CAPN5: variants seen among roughly 807,000 people sequenced by gnomAD.
The protein encoded by CAPN5 is calpain 5, also known as calpain-5.
In CAPN5, 54 loss-of-function variants were observed where a neutral mutation model predicts 73.0. The observed-to-expected ratio is 0.74, with a 90% confidence interval of 0.59 to 0.93. The LOEUF (loss-of-function observed/expected upper bound fraction) is 0.93. Ranked by LOEUF, CAPN5 falls within the 40% of genes least tolerant of loss-of-function variation. CAPN5 has a pLI of 0.00. For synonymous variants in CAPN5, 335 were observed against 356.9 expected, an observed-to-expected ratio of 0.94 and a Z score of 0.69; for missense variants, 785 against 882.9, an observed-to-expected ratio of 0.89 and a Z score of 1.41.
intron 4 of CAPN5, among the ~76,000 whole-genome samples, chr11:77,113,534 C>G (rs1478243035): frequency 6.6e-6 from 1 of 152,080 alleles, no homozygotes; most frequent in Non-Finnish European, 1.5e-5. Flanking sequence ...ATTTGTCAAT[C>G]TTGCTGAAAA....
At chr11:77,102,105 A>G (rs1374474373) in intron 3 of CAPN5, among the ~76,000 whole-genome samples, 7 of 152,172 alleles carry the variant, frequency 4.6e-5, no homozygotes, top group Admixed American at 3.3e-4. Flanking sequence ...ATAAACCAGG[A>G]GTTCTGGGAG....
At position 77,121,931 on chromosome 11, in the gene CAPN5, CAG is replaced by C; in HGVS notation, c.1488-2_1488-1del. On this transcript the variant is annotated splice_acceptor_variant, in intron 10 of 12. Transcript: ENST00000648180. LOFTEE classifies it high-confidence loss of function. Reference sequence around the variant, plus strand: ...TCCCCTCTCCCCTGCCGCCCCATATCAGGGAGCTGCGCCTGGATGAGCCCCCA... The same window carrying C: ...TCCCCTCTCCCCTGCCGCCCCATATCGGAGCTGCGCCTGGATGAGCCCCCA... 1 of 1,530,362 alleles carries C rather than the reference CAG, an allele frequency of 6.5e-7. No homozygotes were observed. The highest frequency in any genetic ancestry group is 1.2e-5 in the South Asian group (1 of 81,382). 94.8% of individuals were successfully genotyped at this position (1,530,362 alleles called of 1,614,324 possible).
chr11:77,120,861 C>T lies in CAPN5; in HGVS notation c.1439C>T (p.Thr480Ile), dbSNP rs782400212. 2.5e-6 allele frequency: 4 copies of T among 1,614,056 alleles called. No homozygotes were observed. Among genetic ancestry groups the T allele is most frequent in the South Asian group, 2.2e-5 (2 of 91,082 alleles). Reference sequence around the variant, plus strand: ...CCCACAACCTTCGAGCCAGGCCACACTGGCGAGTTCCTGCTCCGAGTCTTC... The same window carrying T: ...CCCACAACCTTCGAGCCAGGCCACATTGGCGAGTTCCTGCTCCGAGTCTTC... ...IIPTTFEPGH[T>I]GEFLLRVFTD... Residue 480 changes from threonine (T) to isoleucine (I), a missense_variant, in exon 10 of 13, where the codon ACT becomes ATT. Thr to Ile is a moderately conservative substitution (Grantham distance 89). Transcript: ENST00000648180.
chr11:77,104,691 G>A (rs1450080209), intron 3 of CAPN5, among the ~76,000 whole-genome samples: 1 of 152,208 alleles, frequency 6.6e-6, no homozygotes, highest in African/African-American at 2.4e-5. Context: ...ACTGTCCCCA[G>A]CACCCTGACT....
At chr11:77,108,268 G>C (rs1344551949) in intron 3 of CAPN5, among the ~76,000 whole-genome samples, 2 of 152,206 alleles carry the variant, frequency 1.3e-5, no homozygotes, top group Non-Finnish European at 2.9e-5. Flanking sequence ...GCTCCTCCCA[G>C]TGGGCAGGGA....
At chr11:77,119,576 G>C (rs1268910862) in intron 9 of CAPN5, 1 of 186,136 alleles carries the variant, frequency 5.4e-6, no homozygotes, top group Admixed American at 5.4e-5. Context: ...AGGCATCCTT[G>C]AGCATAGCCA....
chr11:77,114,104 T>C (rs1950441133), intron 4 of CAPN5, 138 bp from the exon 5 acceptor site: 4 of 702,646 alleles, frequency 5.7e-6, no homozygotes, highest in Non-Finnish European at 9.9e-6. Flanking sequence ...GGTTCCAGTG[T>C]TGGCTCCGCC....
intron 7 of CAPN5, 107 bp downstream of exon 7, chr11:77,116,410 A>C: frequency 1.2e-6 from 1 of 804,330 alleles, no homozygotes; most frequent in Non-Finnish European, 2.1e-6. Flanking sequence ...TGCATGCCCC[A>C]TCATCAATTT....
chr11:77,106,551 G>C (rs1191910129), intron 3 of CAPN5, among the ~76,000 whole-genome samples: 4 of 152,190 alleles, frequency 2.6e-5, no homozygotes, highest in Non-Finnish European at 5.9e-5. Flanking sequence ...GGATGGCCTT[G>C]GGCAACCTCT....
intron 3 of CAPN5, chr11:77,102,993 G>A (rs1410890040): frequency 6.2e-7 from 1 of 1,613,492 alleles, no homozygotes. Flanking sequence ...AGCGGAGTCT[G>A]TGTACCGCCT....
At chr11:77,079,149 C>CTTATTATTA (rs57426663) in intron 1 of CAPN5, among the ~76,000 whole-genome samples, 34 of 150,404 alleles carry the variant, frequency 2.3e-4, no homozygotes, top group African/African-American at 6.1e-4. Flanking sequence ...AATTATTTGC[C>CTTATTATTA]TTATTATTAT....
chr11:77,088,183 G>A (rs1950110549), intron 2 of CAPN5: 3 of 1,080,208 alleles, frequency 2.8e-6, no homozygotes, highest in Non-Finnish European at 3.8e-6. Flanking sequence ...AGGTGGGGTG[G>A]GGGAGGGGGA....
intron 1 of CAPN5, among the ~76,000 whole-genome samples, chr11:77,077,026 T>C (rs1213229810): frequency 2.0e-5 from 3 of 152,234 alleles, no homozygotes; most frequent in South Asian, 2.1e-4. Flanking sequence ...TCGCCCACAC[T>C]TATCTTTTGT....
At chr11:77,116,683 C>G (rs189226048) in intron 7 of CAPN5, among the ~76,000 whole-genome samples, 1 of 152,374 alleles carries the variant, frequency 6.6e-6, no homozygotes, top group Non-Finnish European at 1.5e-5. Context: ...GCCAGGGGCA[C>G]TGGGGCTATG....
rs782372843 is a variant in CAPN5, at chr11:77,119,094, G to C, written c.1232G>C (p.Arg411Pro). The C allele has an allele frequency of 1.9e-6, 3 of 1,614,058 alleles. No homozygotes were observed. The highest frequency in any genetic ancestry group is 3.3e-5 in the Admixed American group (2 of 60,022). ...VLICIQQRPK[R>P]STRREGKGEN... ...ATCTGCATCCAGCAGCGGCCAAAGC[G>C]GTCTACGCGCCGGGAGGGCAAGGGT... The change falls in exon 9 of 13, where the codon CGG (arginine) becomes CCG (proline). Residue 411 changes from arginine (R) to proline (P), a missense_variant. Transcript: ENST00000648180.
intron 3 of CAPN5, among the ~76,000 whole-genome samples, chr11:77,098,421 A>G (rs1950239640): frequency 1.0e-5 from 1 of 97,686 alleles, no homozygotes; most frequent in African/African-American, 4.3e-5. Context: ...GGCCGGGCAG[A>G]GGGGCTCCTC....
intron 1 of CAPN5, among the ~76,000 whole-genome samples, chr11:77,082,477 G>T (rs1950037434): frequency 6.6e-6 from 1 of 152,376 alleles, no homozygotes; most frequent in Non-Finnish European, 1.5e-5. Flanking sequence ...GAGGAGACCT[G>T]ACCCTGTCGG....
rs147108363 is a variant in CAPN5 at position 77,079,783 on chromosome 11, T to TTGTGTGTGTGTGTGTG, written c.-35-5053_-35-5038dup. On this transcript the variant is annotated intron_variant, in intron 1 of 12. Transcript: ENST00000648180. ...TAATGCATAAGAGCTCTACTTGAGA[T>TTGTGTGTGTGTGTGTG]TGTGTGTGTGTGTGTGTGTGTGTGT... Among the ~76,000 whole-genome samples, 166 of 148,238 alleles carry TTGTGTGTGTGTGTGTG rather than the reference T, an allele frequency of 1.1e-3. 1 individual carries two copies. Among genetic ancestry groups the TTGTGTGTGTGTGTGTG allele is most frequent in the African/African-American group, 3.7e-3 (149 of 40,340 alleles).
rs562972670 is a variant in CAPN5 at position 77,101,351 on chromosome 11, G to A, written c.297+7538G>A. Among the ~76,000 whole-genome samples, 4 of 152,290 alleles carry A rather than the reference G, an allele frequency of 2.6e-5. No individual in the cohort carries two copies. In the South Asian group the frequency reaches 8.3e-4, roughly 32 times the overall value. ...TTAGAAACAGCTCCCCCATGTGGAGGAAAGGGAAGCCTCCCATGGTAGTTC... is the reference window on the plus strand; with the variant it reads ...TTAGAAACAGCTCCCCCATGTGGAGAAAAGGGAAGCCTCCCATGGTAGTTC... On this transcript the variant is annotated intron_variant, in intron 3 of 12. Coordinates refer to ENST00000648180, the MANE Select transcript of CAPN5 (RefSeq NM_004055.5).
Sources: allele counts gnomAD v4.1 joint callset (sites outside exome capture counted in the v4.1 genomes callset), GRCh38; gene constraint gnomAD v4.1.1; transcripts MANE v1.5; gene names NCBI Gene and HGNC (gene_info 2026-07-23, HGNC 2026-07-21).